Variants in CREB1 observed in about 807,000 individuals in gnomAD.
CREB1 encodes cAMP responsive element binding protein 1.
Under a neutral mutation model 42.0 loss-of-function variants are expected in CREB1, and 2 were observed. The ratio of observed to expected loss-of-function variants is 0.05; its 90% CI spans 0.02 to 0.15. The LOEUF (loss-of-function observed/expected upper bound fraction) is 0.15. Ranked by LOEUF, CREB1 falls within the 10% of genes least tolerant of loss-of-function variation. CREB1 has a pLI of 1.00. For missense variants in CREB1, 199 were observed against 388.9 expected, an observed-to-expected ratio of 0.51 and a Z score of 4.11; for synonymous variants, 123 against 139.9, an observed-to-expected ratio of 0.88 and a Z score of 0.85.
At chr2:207,595,436 CTTTT>C (rs2085956704) in intron 7 of CREB1, among the ~76,000 whole-genome samples, 1 of 150,090 alleles carries the variant, frequency 6.7e-6, no homozygotes, top group Non-Finnish European at 1.5e-5. Flanking sequence ...TTTTCCCTTT[CTTTT>C]GAGACAGCAT....
rs548719117 is a variant in CREB1 at position 207,542,262 on chromosome 2, G to A, written c.-9+12128G>A. 1.5e-4 allele frequency among the ~76,000 whole-genome samples: 23 copies of A among 152,270 alleles called. No individual in the cohort carries two copies. The South Asian group carries it at 4.8e-3, about 32-fold the overall frequency. Reference sequence around the variant, plus strand: ...CTGCTGCACCACCAGCAGTGTATTAGGGTTCAAATTTTCCCCCATCTTCAC... The same window carrying A: ...CTGCTGCACCACCAGCAGTGTATTAAGGTTCAAATTTTCCCCCATCTTCAC... On this transcript the variant is annotated intron_variant, in intron 1 of 7. Transcript: ENST00000353267.
chr2:207,561,008 A>G (rs2081938099), intron 3 of CREB1: 1 of 918,316 alleles, frequency 1.1e-6, no homozygotes, highest in East Asian at 2.5e-5. Context: ...ACTGTAGGGA[A>G]CCGAGAGCAG....
chr2:207,549,461 GA>G (rs543267550), intron 1 of CREB1, among the ~76,000 whole-genome samples: 25 of 152,184 alleles, frequency 1.6e-4, no homozygotes, highest in Non-Finnish European at 2.4e-4. Context: ...AAAAGTAGGG[GA>G]AAACAGTAGA....
Position 207,604,414 on chromosome 2 carries a change from T to G in CREB1, c.*7356T>G, listed in dbSNP as rs150454556. On this transcript the variant is annotated 3_prime_UTR_variant, in exon 8 of 8. Transcript: ENST00000353267. ...TGCCACTATCCATCTGTTAAATTGTTTAGGGGAAACCTAGAAAAGCACTAC... is the reference window on the plus strand; with the variant it reads ...TGCCACTATCCATCTGTTAAATTGTGTAGGGGAAACCTAGAAAAGCACTAC... Among the ~76,000 whole-genome samples, 7 of 152,304 alleles carry G rather than the reference T, an allele frequency of 4.6e-5. No homozygotes were observed. The East Asian group carries it at 1.3e-3, about 29-fold the overall frequency.
rs1364889790 is a variant in CREB1 at position 207,597,240 on chromosome 2, C to T, written c.*182C>T. ...GCATTAAACTGTGAATGTTCCAACA[C>T]CTGCCTCCACTTCTCCCCTCAAGAA... On this transcript the variant is annotated 3_prime_UTR_variant, in exon 8 of 8. Coordinates refer to ENST00000353267, the MANE Select transcript of CREB1 (RefSeq NM_004379.5). 1.8e-6 allele frequency: 1 copy of T among 563,568 alleles called. No homozygotes were observed. The highest frequency in any genetic ancestry group is 2.8e-6 in the Non-Finnish European group (1 of 352,440). The allele number at this position is 563,568 out of a possible 1,614,324, so 34.9% of individuals were successfully genotyped here. A position where few individuals can be genotyped will look rare whatever the true frequency, so the allele number is the denominator to read the frequency against.
At chr2:207,541,280 ATGT>A (rs2081089939) in intron 1 of CREB1, among the ~76,000 whole-genome samples, 1 of 152,164 alleles carries the variant, frequency 6.6e-6, no homozygotes, top group Non-Finnish European at 1.5e-5. Flanking sequence ...GTGTACAGTA[ATGT>A]TGTAGGCCTT....
intron 1 of CREB1, among the ~76,000 whole-genome samples, 163 bp from the exon 2 acceptor site, chr2:207,555,465 A>C (rs2081679478): frequency 6.6e-6 from 1 of 152,180 alleles, no homozygotes; most frequent in African/African-American, 2.4e-5. Context: ...AATTTGAATA[A>C]GTTTGATGGT....
At chr2:207,533,690 A>G (rs1317266070) in intron 1 of CREB1, among the ~76,000 whole-genome samples, 2 of 152,174 alleles carry the variant, frequency 1.3e-5, no homozygotes, top group African/African-American at 4.8e-5. Flanking sequence ...AGATGTCAAG[A>G]TGGAAAAATG....
At chr2:207,590,036 A>C (rs2084670207) in intron 7 of CREB1, among the ~76,000 whole-genome samples, 1 of 149,272 alleles carries the variant, frequency 6.7e-6, no homozygotes, top group South Asian at 2.1e-4. Flanking sequence ...TGGTTGGTAG[A>C]ATTTGCCAGT....
chr2:207,570,209 A>G lies in CREB1; in HGVS notation c.393A>G (p.Ala131=), dbSNP rs745805546. ...TTTTGAATGACTTATCTTCTGATGCACCAGGAGTGCCAAGGATTGAAGAAG... is the reference window on the plus strand; with the variant it reads ...TTTTGAATGACTTATCTTCTGATGCGCCAGGAGTGCCAAGGATTGAAGAAG... ...RKILNDLSSD[A]PGVPRIEEEK... is the part of the protein sequence containing the mutation. Residue 131 remains alanine (A), a synonymous_variant, in exon 5 of 8, where the codon GCA becomes GCG. Transcript: ENST00000353267. The G allele has an allele frequency of 6.2e-7, 1 of 1,613,010 alleles. No individual in the cohort carries two copies.
chr2:207,530,381 A>C (rs978415951), intron 1 of CREB1, among the ~76,000 whole-genome samples: 1 of 142,184 alleles, frequency 7.0e-6, no homozygotes, highest in Non-Finnish European at 1.5e-5. Flanking sequence ...GGCGGCGCTC[A>C]TGGCGGGGGG....
chr2:207,546,152 C>T (rs1000026484), intron 1 of CREB1, among the ~76,000 whole-genome samples: 1 of 152,186 alleles, frequency 6.6e-6, no homozygotes, highest in Non-Finnish European at 1.5e-5. Context: ...CTTCCAGCCT[C>T]TGAGACATGA....
At chr2:207,533,443 C>G (rs2080738189) in intron 1 of CREB1, among the ~76,000 whole-genome samples, 1 of 152,034 alleles carries the variant, frequency 6.6e-6, no homozygotes, top group Non-Finnish European at 1.5e-5. Context: ...GTATGTCTTC[C>G]TCACGTGTTT....
chr2:207,567,576 A>G lies in CREB1; in HGVS notation c.362+13A>G. On this transcript the variant is annotated intron_variant, in intron 4 of 7. Transcript: ENST00000353267. ...GGCCTTCCTACAGGTATGGAATTTA[A>G]TAGTTAGAATCAAAGATGTGGAGGA... 2 of 1,569,494 alleles carry G rather than the reference A, an allele frequency of 1.3e-6. No individual in the cohort carries two copies. The highest frequency in any genetic ancestry group is 1.8e-6 in the Non-Finnish European group (2 of 1,141,080).
At chr2:207,535,709 C>T (rs562733216) in intron 1 of CREB1, among the ~76,000 whole-genome samples, 1 of 151,876 alleles carries the variant, frequency 6.6e-6, no homozygotes, top group East Asian at 1.9e-4. Context: ...CCAAGTAATA[C>T]GTATTTCAGC....
chr2:207,576,241 C>CTTTTTTTTTTTTTTTTTTTTGTTT (rs35735523), intron 6 of CREB1, among the ~76,000 whole-genome samples: 17 of 101,056 alleles, frequency 1.7e-4, no homozygotes, highest in African/African-American at 6.1e-4. Flanking sequence ...CTTTTTTTGG[C>CTTTTTTTTTTTTTTTTTTTTGTTT]TTTTTTTTTT....
At chr2:207,533,385 TTTTG>T (rs1360268449) in intron 1 of CREB1, among the ~76,000 whole-genome samples, 5 of 152,172 alleles carry the variant, frequency 3.3e-5, no homozygotes, top group African/African-American at 7.2e-5. Flanking sequence ...AGACATTTGG[TTTTG>T]TTTGTTTGGA....
intron 6 of CREB1, chr2:207,576,611 C>A: frequency 9.0e-7 from 1 of 1,109,376 alleles, no homozygotes; most frequent in Non-Finnish European, 1.2e-6. Flanking sequence ...GAGTAAAACA[C>A]CTTTTCACTT....
chr2:207,551,932 C>T (rs1483319645), intron 1 of CREB1, among the ~76,000 whole-genome samples: 1 of 150,122 alleles, frequency 6.7e-6, no homozygotes, highest in Non-Finnish European at 1.5e-5. Flanking sequence ...GTCCCAGCTA[C>T]TCAGGAGGCT....
Sources: gnomAD v4.1 joint callset for allele counts (sites outside exome capture counted in the v4.1 genomes callset) on GRCh38, gnomAD v4.1.1 for gene constraint, MANE v1.5 for transcripts, NCBI Gene and HGNC (gene_info 2026-07-23, HGNC 2026-07-21) for gene names.